XG: variants seen among roughly 807,000 people sequenced by gnomAD.
XG encodes glycoprotein Xg.
A neutral mutation model predicts 25.7 loss-of-function variants in XG; 24 were observed. The observed-to-expected ratio is 0.93, with a 90% CI of 0.68 to 1.31. The LOEUF (loss-of-function observed/expected upper bound fraction) is 1.31. XG is among the 40% of genes most tolerant of loss of function. The pLI is 0.00. For missense variants in XG, 181 were observed against 187.6 expected, an observed-to-expected ratio of 0.96 and a Z score of 0.21; for synonymous variants, 77 against 69.2, an observed-to-expected ratio of 1.11 and a Z score of -0.56.
chrX:2,764,289 C>T (rs1298512694), intron 1 of XG, among the ~76,000 whole-genome samples: 6 of 152,130 alleles, frequency 3.9e-5, no homozygotes, highest in Non-Finnish European at 4.4e-5. Flanking sequence ...CAGTGGCCCT[C>T]GGGGCTGCTC....
intron 3 of XG, chrX:2,774,959 TA>T: frequency 1.7e-6 from 1 of 605,506 alleles, no homozygotes. Context: ...GGCTAAAATC[TA>T]AAATGGAAAA....
chrX:2,781,409 A>C (rs72619367), intron 3 of XG, among the ~76,000 whole-genome samples: 24,255 of 149,022 alleles, frequency 0.16, 2,307 homozygotes, highest in East Asian at 0.37. Flanking sequence ...CATTAGATTA[A>C]GTCAATTTAC....
intron 4 of XG, among the ~76,000 whole-genome samples, chrX:2,786,483 G>A (rs5982857): frequency 0.047 from 5,061 of 108,823 alleles, 279 homozygotes; most frequent in African/African-American, 0.16. Context: ...GGCCAGGCTG[G>A]TCTCAAACTC....
intron 10 of XG, among the ~76,000 whole-genome samples, chrX:2,813,910 TG>T (rs1003308302): frequency 1.3e-4 from 15 of 112,775 alleles, no homozygotes; most frequent in Non-Finnish European, 2.4e-4. Flanking sequence ...AACGAATATT[TG>T]TTTCCAGATA....
intron 1 of XG, among the ~76,000 whole-genome samples, chrX:2,766,449 C>G (rs1225649417): frequency 2.0e-5 from 3 of 149,176 alleles, no homozygotes; most frequent in Non-Finnish European, 3.0e-5. Context: ...TCTTCTTGGC[C>G]TCTCTGAACA....
intron 7 of XG, among the ~76,000 whole-genome samples, chrX:2,801,987 G>T (rs1240774120): frequency 2.7e-5 from 3 of 111,461 alleles, no homozygotes; most frequent in African/African-American, 3.3e-5. Flanking sequence ...GATTACAGGC[G>T]TGAGCCACCG....
intron 2 of XG, among the ~76,000 whole-genome samples, chrX:2,771,093 A>C (rs375928200): frequency 3.9e-5 from 6 of 151,992 alleles, no homozygotes; most frequent in East Asian, 1.9e-4. Flanking sequence ...GGCTCAAGAA[A>C]TCCTTCTACC....
intron 1 of XG, among the ~76,000 whole-genome samples, chrX:2,768,952 C>T (rs780977099): frequency 7.2e-5 from 11 of 152,266 alleles, no homozygotes; most frequent in African/African-American, 2.4e-4. Flanking sequence ...GGGATTTGAC[C>T]TGTGATGGCA....
intron 5 of XG, among the ~76,000 whole-genome samples, chrX:2,793,385 CTCGTTTGAGCCTGA>C (rs1213582374): frequency 1.8e-5 from 2 of 111,734 alleles, no homozygotes; most frequent in African/African-American, 6.5e-5. Flanking sequence ...CTCCTTGGAT[CTCGTTTGAGCCTGA>C]AGTAGCTCAG....
intron 9 of XG, among the ~76,000 whole-genome samples, chrX:2,808,903 G>C (rs925215081): frequency 1.8e-5 from 2 of 111,861 alleles, no homozygotes; most frequent in Non-Finnish European, 3.8e-5. Flanking sequence ...GGCATCCTTA[G>C]AAAAATTTAT....
intron 5 of XG, among the ~76,000 whole-genome samples, chrX:2,790,810 C>G (rs953738981): frequency 1.8e-5 from 2 of 111,018 alleles, no homozygotes; most frequent in Admixed American, 1.9e-4. Context: ...CAAAAAAAGG[C>G]GGGGGGGTGG....
chrX:2,752,681 T>C (rs2050360231), intron 1 of XG, among the ~76,000 whole-genome samples: 1 of 152,238 alleles, frequency 6.6e-6, no homozygotes, highest in African/African-American at 2.4e-5. Flanking sequence ...ATGTCAGTCA[T>C]TTCTTTCTGA....
intron 4 of XG, among the ~76,000 whole-genome samples, chrX:2,782,329 T>G (rs1401898334): frequency 8.9e-6 from 1 of 112,433 alleles, no homozygotes; most frequent in Non-Finnish European, 1.9e-5. Flanking sequence ...TGCTTTGACA[T>G]CTAGAAACCA....
rs2050340422 is a variant in XG, at chrX:2,752,055, C to A, written c.-220C>A. The A allele has an allele frequency of 9.1e-6, 6 of 657,650 alleles. No individual in the cohort carries two copies. Among genetic ancestry groups the A allele is most frequent in the Non-Finnish European group, 1.0e-5 (4 of 388,310 alleles). The allele number at this position is 657,650 out of a possible 1,614,324, so 40.7% of individuals were successfully genotyped here. On this transcript the variant is annotated 5_prime_UTR_variant, in exon 1 of 11. Coordinates refer to ENST00000644266, the MANE Select transcript of XG (RefSeq NM_001141919.2). ...TGGCTCCGACACACGACTGAGTGTG[C>A]CTACACTGGTCCCACAGGTTTTCAG...
chrX:2,807,336 C>T (rs920329888), intron 8 of XG, among the ~76,000 whole-genome samples: 1 of 113,003 alleles, frequency 8.8e-6, no homozygotes, highest in East Asian at 2.8e-4. Flanking sequence ...GAGTGTGCAT[C>T]TGGGTGTGCT....
At chrX:2,801,840 C>T (rs760568775) in intron 7 of XG, among the ~76,000 whole-genome samples, 2 of 111,132 alleles carry the variant, frequency 1.8e-5, no homozygotes, top group African/African-American at 3.3e-5. Flanking sequence ...TCCCGAGTAG[C>T]TGGGACTACA....
intron 3 of XG, among the ~76,000 whole-genome samples, chrX:2,780,072 A>T (rs1390022709): frequency 6.6e-6 from 1 of 152,124 alleles, no homozygotes; most frequent in Non-Finnish European, 1.5e-5. Context: ...GCTATATTTT[A>T]TTTTTTGAAA....
At chrX:2,765,831 T>C (rs2050672049) in intron 1 of XG, among the ~76,000 whole-genome samples, 1 of 152,260 alleles carries the variant, frequency 6.6e-6, no homozygotes. Context: ...TTCTTTGCTT[T>C]GCAAAATTGC....
At chrX:2,776,025 C>CA (rs1190553616) in intron 3 of XG, among the ~76,000 whole-genome samples, 1 of 151,758 alleles carries the variant, frequency 6.6e-6, no homozygotes, top group Non-Finnish European at 1.5e-5. Context: ...CGCAGTGGCT[C>CA]ACGCCTGTAA....
Sources: allele counts gnomAD v4.1 joint callset (sites outside exome capture counted in the v4.1 genomes callset), GRCh38; gene constraint gnomAD v4.1.1; transcripts MANE v1.5; gene names NCBI Gene and HGNC (gene_info 2026-07-23, HGNC 2026-07-21).